IMMP2L: variants seen among roughly 807,000 people sequenced by gnomAD.
The protein encoded by IMMP2L is inner mitochondrial membrane peptidase subunit 2.
IMMP2L carries 18 observed loss-of-function variants against 19.3 expected under a neutral mutation model. The ratio of observed to expected loss-of-function variants is 0.93; its 90% CI spans 0.64 to 1.38. The LOEUF (loss-of-function observed/expected upper bound fraction) is 1.38, where lower values mean the gene tolerates loss of function less well. Ranked by LOEUF, IMMP2L falls within the 40% of genes most tolerant of loss-of-function variation. The pLI is 0.00. For synonymous variants in IMMP2L, 76 were observed against 73.0 expected (o/e 1.04, Z -0.21); for missense variants, 233 against 218.2 (o/e 1.07, Z -0.43).
chr7:111,352,766 T>A (rs948435139), intron 3 of IMMP2L, among the ~76,000 whole-genome samples: 1 of 152,110 alleles, frequency 6.6e-6, no homozygotes, highest in African/African-American at 2.4e-5. Context: ...CACTCTGATT[T>A]GGCACCTGTC....
At chr7:110,953,929 C>CT (rs1407276211) in intron 4 of IMMP2L, among the ~76,000 whole-genome samples, 2 of 151,986 alleles carry the variant, frequency 1.3e-5, no homozygotes, top group African/African-American at 4.8e-5. Context: ...TGATGATGAG[C>CT]TTTTTTCACA....
chr7:111,250,085 A>G (rs1815912158), intron 3 of IMMP2L, among the ~76,000 whole-genome samples: 1 of 152,168 alleles, frequency 6.6e-6, no homozygotes, highest in African/African-American at 2.4e-5. Context: ...AATGTGCAAA[A>G]ATCGCTAACG....
intron 3 of IMMP2L, among the ~76,000 whole-genome samples, chr7:110,973,957 A>C (rs1820426139): frequency 6.6e-6 from 1 of 152,142 alleles, no homozygotes; most frequent in African/African-American, 2.4e-5. Context: ...CGTCATCTTC[A>C]TGTGTGGACG....
intron 3 of IMMP2L, among the ~76,000 whole-genome samples, chr7:110,971,569 T>C (rs1017763613): frequency 6.6e-6 from 1 of 152,106 alleles, no homozygotes; most frequent in African/African-American, 2.4e-5. Flanking sequence ...TAGATGTTGT[T>C]CTGACAAGAT....
chr7:111,539,109 C>G (rs185471692), intron 1 of IMMP2L, among the ~76,000 whole-genome samples: 2 of 139,200 alleles, frequency 1.4e-5, no homozygotes, highest in East Asian at 4.4e-4. Flanking sequence ...CAGAACAAGA[C>G]TCCATCTCAC....
Position 111,428,567 on chromosome 7 carries a change from A to G in IMMP2L, c.239+58671T>C, listed in dbSNP as rs1210674534. The stretch of plus-strand genomic sequence containing the variant: ...TTTTAAAATTTTCTTTGATACAGTA[A>G]CTTTCTAAAGAAATGTTCAAGTGTC... On this transcript the variant is annotated intron_variant, in intron 3 of 5. Transcript: ENST00000405709. Among the ~76,000 whole-genome samples, 2 of 151,774 alleles carry G rather than the reference A, an allele frequency of 1.3e-5. 1 individual carries two copies. Among genetic ancestry groups the G allele is most frequent in the African/African-American group, 4.9e-5 (2 of 41,082 alleles).
chr7:111,211,463 G>A (rs972091527), intron 3 of IMMP2L, among the ~76,000 whole-genome samples: 12 of 152,154 alleles, frequency 7.9e-5, no homozygotes, highest in South Asian at 2.1e-4. Flanking sequence ...GCTGGAATCC[G>A]AATTGAACCA....
intron 4 of IMMP2L, among the ~76,000 whole-genome samples, chr7:110,961,435 T>G (rs1818930434): frequency 2.0e-5 from 3 of 148,710 alleles, no homozygotes; most frequent in African/African-American, 5.0e-5. Context: ...AGTCTGTGTT[T>G]TTTTTTTTTT....
intron 5 of IMMP2L, among the ~76,000 whole-genome samples, chr7:110,871,481 A>C (rs1808534930): frequency 6.6e-6 from 1 of 152,164 alleles, no homozygotes; most frequent in Admixed American, 6.6e-5. Context: ...AAAGAAGAAC[A>C]TTCTCAACAT....
intron 3 of IMMP2L, among the ~76,000 whole-genome samples, chr7:111,203,939 G>A (rs1261028813): frequency 1.3e-5 from 2 of 151,896 alleles, no homozygotes; most frequent in Non-Finnish European, 2.9e-5. Flanking sequence ...AGTTTAAAAT[G>A]GTTACTTTGA....
At chr7:111,046,222 A>T (rs564858531) in intron 3 of IMMP2L, among the ~76,000 whole-genome samples, 1 of 152,160 alleles carries the variant, frequency 6.6e-6, no homozygotes, top group Non-Finnish European at 1.5e-5. Context: ...GAACCAATAG[A>T]TTAAATAAAC....
intron 3 of IMMP2L, among the ~76,000 whole-genome samples, chr7:110,964,836 G>C (rs1819363201): frequency 6.6e-6 from 1 of 151,584 alleles, no homozygotes; most frequent in African/African-American, 2.4e-5. Context: ...TAGAAGTCTG[G>C]TCTGTCCTGA....
intron 3 of IMMP2L, chr7:111,122,485 T>C (rs1800765806): frequency 3.5e-6 from 1 of 283,844 alleles, no homozygotes. Flanking sequence ...AATAAATGAA[T>C]TACTCAATCT....
In IMMP2L at chr7:110,854,346, G is replaced by A. The variant is rs1211771674; in HGVS notation, c.408+32247C>T. Among the ~76,000 whole-genome samples, 3 of 151,954 alleles carry A rather than the reference G, an allele frequency of 2.0e-5. No homozygotes were observed. In the South Asian group the frequency reaches 6.2e-4, roughly 32 times the overall value. On this transcript the variant is annotated intron_variant, in intron 5 of 5. Transcript: ENST00000405709. ...TAATCCCTCTGGAATGAATCCTATG[G>A]AATGGTAATAGTGAACAGACACTAA...
chr7:110,881,366 G>C, intron 5 of IMMP2L, among the ~76,000 whole-genome samples: 1 of 152,066 alleles, frequency 6.6e-6, no homozygotes, highest in Non-Finnish European at 1.5e-5. Flanking sequence ...ACTGTTTATG[G>C]GAACCATGAG....
At position 111,255,066 on chromosome 7, in the gene IMMP2L, T is replaced by C. The variant is rs1255139923; in HGVS notation, c.239+232172A>G. Among the ~76,000 whole-genome samples, 3 of 152,136 alleles carry C rather than the reference T, an allele frequency of 2.0e-5. No homozygotes were observed. The East Asian group carries it at 5.8e-4, about 29-fold the overall frequency. ...AATACATCAAGGTTTTCTATACTGA[T>C]GAAACTGCCAGTTAAATAGCAATTC... is the stretch of plus-strand genomic sequence containing the variant. On this transcript the variant is annotated intron_variant, in intron 3 of 5. Transcript: ENST00000405709.
At chr7:110,934,501 G>C (rs1056450856) in intron 4 of IMMP2L, among the ~76,000 whole-genome samples, 7 of 152,026 alleles carry the variant, frequency 4.6e-5, no homozygotes, top group Admixed American at 4.6e-4. Flanking sequence ...CTTTTTAGAA[G>C]GCTGGATCTG....
Position 111,150,271 on chromosome 7 carries a change from T to C in IMMP2L, c.240-186706A>G, listed in dbSNP as rs1277415231. ...CATCGTATGTTCAAATCTTTATTCC[T>C]CAAGCATCTCCAAGACACAGGGTTT... is the stretch of plus-strand genomic sequence containing the variant. On this transcript the variant is annotated intron_variant, in intron 3 of 5. Coordinates refer to ENST00000405709, the MANE Select transcript of IMMP2L (RefSeq NM_032549.4). Among the ~76,000 whole-genome samples the C allele has an allele frequency of 2.0e-5, 3 of 152,112 alleles. No homozygotes were observed. The East Asian group carries it at 5.8e-4, about 29-fold the overall frequency.
chr7:111,415,783 A>C (rs1834905792), intron 3 of IMMP2L, among the ~76,000 whole-genome samples: 1 of 151,806 alleles, frequency 6.6e-6, no homozygotes, highest in Admixed American at 6.6e-5. Context: ...TCAATTTCAA[A>C]GAAATTTCAC....
Sources: allele counts gnomAD v4.1 joint callset (sites outside exome capture counted in the v4.1 genomes callset), GRCh38; gene constraint gnomAD v4.1.1; transcripts MANE v1.5; gene names NCBI Gene and HGNC (gene_info 2026-07-23, HGNC 2026-07-21).